PPM1L: variants seen among roughly 807,000 people sequenced by gnomAD.
The protein encoded by PPM1L is protein phosphatase 1L.
A neutral mutation model predicts 31.4 loss-of-function variants in PPM1L; 13 were observed. The ratio of observed to expected loss-of-function variants is 0.41; its 90% CI spans 0.27 to 0.66. The LOEUF (loss-of-function observed/expected upper bound fraction) is 0.66. Among genes scored for constraint, PPM1L ranks in the 30% least tolerant of loss-of-function variants. The probability of loss-of-function intolerance (pLI) is 0.29; values close to 1 mark genes in which losing one functional copy is unlikely to be tolerated. For synonymous variants in PPM1L, 184 were observed against 175.4 expected (o/e 1.05, Z -0.39); for missense variants, 326 against 453.7 (o/e 0.72, Z 2.56).
intron 2 of PPM1L, among the ~76,000 whole-genome samples, chr3:161,045,880 G>A (rs543655423): frequency 7.9e-5 from 12 of 152,106 alleles, no homozygotes; most frequent in Admixed American, 2.6e-4. Flanking sequence ...GCGAGGCTGA[G>A]GTGGGTGGAT....
chr3:160,793,063 T>C (rs1031195893), intron 1 of PPM1L, among the ~76,000 whole-genome samples: 10 of 152,192 alleles, frequency 6.6e-5, no homozygotes, highest in Non-Finnish European at 1.5e-4. Context: ...ACATGACTTA[T>C]GACTTTTGAT....
chr3:161,003,212 A>G (rs903389448), intron 2 of PPM1L, among the ~76,000 whole-genome samples: 1 of 151,458 alleles, frequency 6.6e-6, no homozygotes, highest in African/African-American at 2.4e-5. Context: ...CTGTTTTGGT[A>G]CCAGTACCAT....
chr3:160,936,183 A>T (rs982945949), intron 1 of PPM1L, among the ~76,000 whole-genome samples: 2 of 152,024 alleles, frequency 1.3e-5, no homozygotes, highest in African/African-American at 4.8e-5. Context: ...TCCGCCTTCC[A>T]GGTTCAAGCG....
intron 1 of PPM1L, among the ~76,000 whole-genome samples, chr3:160,893,488 C>A (rs1444359526): frequency 6.6e-6 from 1 of 152,174 alleles, no homozygotes; most frequent in Non-Finnish European, 1.5e-5. Flanking sequence ...CCTGATTTCA[C>A]AACCAGCCTC....
intron 2 of PPM1L, among the ~76,000 whole-genome samples, chr3:161,056,773 C>G (rs1026668228): frequency 4.0e-5 from 6 of 151,696 alleles, no homozygotes; most frequent in African/African-American, 1.5e-4. Flanking sequence ...TATAAGAATA[C>G]AGCAATGGGC....
chr3:160,814,599 G>C (rs1279532667), intron 1 of PPM1L, among the ~76,000 whole-genome samples: 1 of 129,962 alleles, frequency 7.7e-6, no homozygotes, highest in East Asian at 2.0e-4. Flanking sequence ...ACATATGTAT[G>C]TATGTGTATA....
chr3:160,906,437 A>T (rs950243860), intron 1 of PPM1L, among the ~76,000 whole-genome samples: 1 of 152,110 alleles, frequency 6.6e-6, no homozygotes, highest in African/African-American at 2.4e-5. Flanking sequence ...CCCCATCTCT[A>T]CTAAAAATAC....
intron 2 of PPM1L, among the ~76,000 whole-genome samples, chr3:161,046,585 T>G (rs1458829526): frequency 6.6e-6 from 1 of 152,134 alleles, no homozygotes; most frequent in African/African-American, 2.4e-5. Context: ...CCTAACTCAT[T>G]TTATGAGGCC....
At chr3:161,016,176 G>A (rs761141963) in intron 2 of PPM1L, among the ~76,000 whole-genome samples, 7 of 152,060 alleles carry the variant, frequency 4.6e-5, no homozygotes, top group African/African-American at 9.7e-5. Context: ...TGATACTGCC[G>A]TTCTTTTGAG....
intron 1 of PPM1L, among the ~76,000 whole-genome samples, chr3:160,794,144 T>G (rs534754212): frequency 2.6e-5 from 4 of 152,210 alleles, no homozygotes; most frequent in Non-Finnish European, 5.9e-5. Flanking sequence ...CTAGGGCCTC[T>G]TTAACAGAGG....
At chr3:160,883,010 A>G (rs6785317) in intron 1 of PPM1L, among the ~76,000 whole-genome samples, 3,631 of 152,346 alleles carry the variant, frequency 0.024, 122 homozygotes, top group African/African-American at 0.068. Context: ...TTAATCATTG[A>G]GTGAAATATA....
At chr3:160,848,777 C>T (rs1467780788) in intron 1 of PPM1L, among the ~76,000 whole-genome samples, 2 of 152,170 alleles carry the variant, frequency 1.3e-5, no homozygotes, top group Admixed American at 6.5e-5. Context: ...AAATGAAATT[C>T]CCCTTCTTTC....
At chr3:160,828,890 A>G (rs145683004) in intron 1 of PPM1L, among the ~76,000 whole-genome samples, 8 of 152,254 alleles carry the variant, frequency 5.3e-5, no homozygotes, top group Non-Finnish European at 8.8e-5. Context: ...CAAATATCCA[A>G]ATATTCTGAG....
chr3:160,944,831 C>CAT (rs531562786), intron 1 of PPM1L, among the ~76,000 whole-genome samples: 5 of 20,728 alleles, frequency 2.4e-4, no homozygotes, highest in African/African-American at 6.0e-4. Flanking sequence ...TTATATATAA[C>CAT]ATATATATGT....
chr3:160,977,524 A>G (rs1716635411), intron 2 of PPM1L, among the ~76,000 whole-genome samples: 1 of 152,174 alleles, frequency 6.6e-6, no homozygotes, highest in Non-Finnish European at 1.5e-5. Flanking sequence ...TAACACCTGT[A>G]CTTAACTGAC....
intron 1 of PPM1L, among the ~76,000 whole-genome samples, chr3:160,831,123 A>G (rs910195854): frequency 3.3e-5 from 5 of 152,224 alleles, no homozygotes; most frequent in African/African-American, 9.6e-5. Context: ...TCACTGGTGG[A>G]CACATATTTA....
chr3:161,001,524 G>GC (rs1237957210), intron 2 of PPM1L, among the ~76,000 whole-genome samples: 1 of 151,856 alleles, frequency 6.6e-6, no homozygotes, highest in African/African-American at 2.4e-5. Flanking sequence ...CAAGTAATTC[G>GC]CCCCCCAAAG....
chr3:160,886,428 ACT>A lies in PPM1L; in HGVS notation c.400-75305_400-75304del, dbSNP rs1419896422. Among the ~76,000 whole-genome samples, 3 of 152,164 alleles carry A rather than the reference ACT, an allele frequency of 2.0e-5. No individual in the cohort carries two copies. The East Asian group carries it at 5.8e-4, about 29-fold the overall frequency. On this transcript the variant is annotated intron_variant, in intron 1 of 3. Coordinates refer to ENST00000498165, the MANE Select transcript of PPM1L (RefSeq NM_139245.4). The stretch of plus-strand genomic sequence containing the variant: ...GACCCTCCAACAGGGGTTTTCAGAC[ACT>A]CTATACAGGAGCAATCCTACTGGCA...
intron 2 of PPM1L, among the ~76,000 whole-genome samples, chr3:161,062,056 A>T (rs574669228): frequency 1.3e-5 from 2 of 152,056 alleles, no homozygotes; most frequent in Non-Finnish European, 2.9e-5. Context: ...TAGCTGCAAG[A>T]TGGCTGCCAC....
Sources: gnomAD v4.1 joint callset for allele counts (sites outside exome capture counted in the v4.1 genomes callset) on GRCh38, gnomAD v4.1.1 for gene constraint, MANE v1.5 for transcripts, NCBI Gene and HGNC (gene_info 2026-07-23, HGNC 2026-07-21) for gene names.